The following CCDC27 variants were observed in gnomAD, a reference collection of about 807,000 sequenced individuals.
The protein encoded by CCDC27 is coiled-coil domain containing 27.
Under a neutral mutation model 80.3 loss-of-function variants are expected in CCDC27, and 80 were observed. The ratio of observed to expected loss-of-function variants is 1.00; its 90% CI spans 0.83 to 1.20. The LOEUF is 1.20. Among genes scored for constraint, CCDC27 ranks in the 50% most tolerant of loss-of-function variants. The pLI is 0.00. For synonymous variants in CCDC27, 342 were observed against 334.3 expected (o/e 1.02, Z -0.25); for missense variants, 815 against 809.4 (o/e 1.01, Z -0.08).
chr1:3,759,865 G>T (rs567035156), intron 4 of CCDC27, among the ~76,000 whole-genome samples: 7 of 152,322 alleles, frequency 4.6e-5, no homozygotes, highest in Non-Finnish European at 1.0e-4. Context: ...CAGATATGCT[G>T]TTGTTATTCA....
rs112051939 is a variant in CCDC27 at position 3,760,945 on chromosome 1, C to G, written c.712-336C>G. 6.6e-6 allele frequency among the ~76,000 whole-genome samples: 1 copy of G among 152,128 alleles called. No individual in the cohort carries two copies. Among genetic ancestry groups the G allele is most frequent in the Non-Finnish European group, 1.5e-5 (1 of 68,020 alleles). ...CGGGGCTGCAAAGAAGACTGGTGTC[C>G]TGTGGTATAGTGGGGTGCAGGGACA... On this transcript the variant is annotated intron_variant, in intron 4 of 11. Coordinates refer to ENST00000294600, the MANE Select transcript of CCDC27 (RefSeq NM_152492.3). The surrounding 1 kb of genome is among the most constrained non-coding windows in gnomAD (Gnocchi z 4.3).
intron 2 of CCDC27, among the ~76,000 whole-genome samples, chr1:3,755,049 G>T (rs1025394921): frequency 2.6e-5 from 4 of 152,214 alleles, no homozygotes; most frequent in Non-Finnish European, 4.4e-5. Flanking sequence ...TGGGCGTGGG[G>T]TCTGCGTCTA....
At chr1:3,756,539 A>T in intron 3 of CCDC27, 194 bp from the exon 4 acceptor site, 1 of 553,522 alleles carries the variant, frequency 1.8e-6, no homozygotes, top group Non-Finnish European at 3.2e-6. Context: ...TGGGCGCCCC[A>T]TCGTGTTCAC....
chr1:3,770,122 G>C (rs1417570416), intron 11 of CCDC27, among the ~76,000 whole-genome samples: 1 of 152,146 alleles, frequency 6.6e-6, no homozygotes, highest in Non-Finnish European at 1.5e-5. Flanking sequence ...GCAAAACGGG[G>C]GACGGGCATC....
rs1299281062 is a variant in CCDC27, at chr1:3,768,110, T to TC, written c.1743+666dup. 1.4e-5 allele frequency among the ~76,000 whole-genome samples: 2 copies of TC among 148,104 alleles called. No homozygotes were observed. Among genetic ancestry groups the TC allele is most frequent in the Non-Finnish European group, 1.5e-5 (1 of 66,872 alleles). ...GACCTTTTTTTTTTTTTTTTTTTTT[T>TC]CTGAGACAGGGTCTTTCTCTGTCAT... On this transcript the variant is annotated intron_variant, in intron 10 of 11. Transcript: ENST00000294600. This position sits in a 1 kb window ranked among gnomAD's most constrained non-coding sequence, Gnocchi z 5.6.
At position 3,752,532 on chromosome 1, in the gene CCDC27, T is replaced by C. The variant is rs1430239823; in HGVS notation, c.51T>C (p.Asp17=). 2 of 1,613,952 alleles carry C rather than the reference T, an allele frequency of 1.2e-6. No homozygotes were observed. The highest frequency in any genetic ancestry group is 1.7e-6 in the Non-Finnish European group (2 of 1,180,040). Residue 17 remains aspartate, a synonymous_variant, in exon 1 of 12, where the codon GAT becomes GAC. Coordinates refer to ENST00000294600, the MANE Select transcript of CCDC27 (RefSeq NM_152492.3). ...PSTPQARLKR[D]PREKPGLSSF... ...CACCCCAAGCCAGGCTGAAGAGAGATCCACGGGAAAAGCCGGGCCTGTCCT... is the reference window on the plus strand; with the variant it reads ...CACCCCAAGCCAGGCTGAAGAGAGACCCACGGGAAAAGCCGGGCCTGTCCT...
chr1:3,763,878 G>A lies in CCDC27; in HGVS notation c.1452+42G>A, dbSNP rs180853598. 7.5e-6 allele frequency: 12 copies of A among 1,603,162 alleles called. No homozygotes were observed. The African/African-American group carries it at 1.3e-4, about 18-fold the overall frequency. The stretch of plus-strand genomic sequence containing the variant: ...TACCGGCCTCCGCTCCATGAGCATG[G>A]GCCCCAGGCTTCATTAACCCCCGGC... On this transcript the variant is annotated intron_variant, in intron 8 of 11. Coordinates refer to ENST00000294600, the MANE Select transcript of CCDC27 (RefSeq NM_152492.3). This position sits in a 1 kb window ranked among gnomAD's most constrained non-coding sequence, Gnocchi z 7.5.
At chr1:3,767,643 A>C (rs1643263910) in intron 10 of CCDC27, among the ~76,000 whole-genome samples, 198 bp downstream of exon 10, 1 of 152,248 alleles carries the variant, frequency 6.6e-6, no homozygotes, top group Non-Finnish European at 1.5e-5. Context: ...AGTGCAACAG[A>C]GTAGCCCGGA....
At chr1:3,764,050 C>A (rs1408788832) in intron 8 of CCDC27, among the ~76,000 whole-genome samples, 1 of 152,172 alleles carries the variant, frequency 6.6e-6, no homozygotes, top group Admixed American at 6.5e-5. Flanking sequence ...ATGTGCCCAG[C>A]CACAGCTCTG....
rs1643274573 is a variant in CCDC27, at chr1:3,768,001, G to A, written c.1743+556G>A. Among the ~76,000 whole-genome samples, 1 of 152,144 alleles carries A rather than the reference G, an allele frequency of 6.6e-6. No individual in the cohort carries two copies. Among genetic ancestry groups the A allele is most frequent in the African/African-American group, 2.4e-5 (1 of 41,416 alleles). The stretch of plus-strand genomic sequence containing the variant: ...GCAGTCTCAACTGCAGGGCTCCACT[G>A]GGGTGTCATATGAAACGTGAGCAAG... On this transcript the variant is annotated intron_variant, in intron 10 of 11. Coordinates refer to ENST00000294600, the MANE Select transcript of CCDC27 (RefSeq NM_152492.3). The surrounding 1 kb of genome is among the most constrained non-coding windows in gnomAD (Gnocchi z 5.6).
At chr1:3,770,939 G>C (rs1222279019) in intron 11 of CCDC27, among the ~76,000 whole-genome samples, 3 of 149,678 alleles carry the variant, frequency 2.0e-5, no homozygotes, top group Non-Finnish European at 4.5e-5. Context: ...ACGGCCCAGA[G>C]AGGAGAATGG....
Position 3,771,447 on chromosome 1 carries a change from A to C in CCDC27, c.1895A>C (p.Lys632Thr). ...RSDYYNQLKQKGVKVPPLQQS... is the reference protein window; with the variant it reads ...RSDYYNQLKQTGVKVPPLQQS... ...GACTACTATAATCAGCTGAAGCAGA[A>C]AGGCGTCAAAGTGCCCCCCCTGCAA... The change falls in exon 12 of 12, where the codon AAA becomes ACA. Residue 632 changes from lysine (K) to threonine (T), a missense_variant. Physicochemically the swap from Lys to Thr is moderately conservative, Grantham distance 78 (BLOSUM62 -1). Transcript: ENST00000294600. 6.2e-7 allele frequency: 1 copy of C among 1,614,072 alleles called. No individual in the cohort carries two copies. Among genetic ancestry groups the C allele is most frequent in the South Asian group, 1.1e-5 (1 of 91,076 alleles).
Position 3,762,789 on chromosome 1 carries a change from C to A in CCDC27, c.954+77C>A, listed in dbSNP as rs1049808762. 5 of 1,324,410 alleles carry A rather than the reference C, an allele frequency of 3.8e-6. No individual in the cohort carries two copies. In the African/African-American group the frequency reaches 7.3e-5, roughly 19 times the overall value. The allele number at this position is 1,324,410 out of a possible 1,614,324, so 82.0% of individuals were successfully genotyped here. ...CCACCTAGGCTGCTTAACTAAGAGG[C>A]CCAGGCCCCAAGTGTCCCTGCTGCA... On this transcript the variant is annotated intron_variant, in intron 6 of 11. Transcript: ENST00000294600.
chr1:3,762,199 T>G (rs559109431), intron 5 of CCDC27, among the ~76,000 whole-genome samples: 10 of 152,212 alleles, frequency 6.6e-5, no homozygotes, highest in Non-Finnish European at 1.2e-4. Context: ...CTGCCCTAAA[T>G]GCCTCAAGGG....
intron 2 of CCDC27, 98 bp from the exon 3 acceptor site, chr1:3,755,359 C>A: frequency 9.8e-7 from 1 of 1,025,540 alleles, no homozygotes; most frequent in Non-Finnish European, 1.5e-6. Context: ...CCACCTGTGT[C>A]CCTACCTGGT....
At chr1:3,767,175 C>T in intron 9 of CCDC27, 58 bp from the exon 10 acceptor site, 3 of 1,518,616 alleles carry the variant, frequency 2.0e-6, no homozygotes, top group Non-Finnish European at 2.7e-6. Context: ...ATGGGTGCCA[C>T]ACATACTCAG....
At position 3,763,288 on chromosome 1, in the gene CCDC27, G is replaced by C. The variant is rs767547784; in HGVS notation, c.1135G>C (p.Asp379His). 6.3e-7 allele frequency: 1 copy of C among 1,598,846 alleles called. No individual in the cohort carries two copies. The highest frequency in any genetic ancestry group is 1.1e-5 in the South Asian group (1 of 89,320). ...GSEEEEEEEGDRDEDSEEREL... is the reference protein window; with the variant it reads ...GSEEEEEEEGHRDEDSEEREL... ...CGAGGAGGAGGAAGAGGAGGAAGGG[G>C]ACAGGGATGAGGACTCAGAGGAAAG... The change falls in exon 7 of 12, where the codon GAC becomes CAC. Residue 379 changes from aspartate (D) to histidine (H), a missense_variant. By Grantham distance (81) the Asp-to-His change is moderately conservative (BLOSUM62 -1). Coordinates refer to ENST00000294600, the MANE Select transcript of CCDC27 (RefSeq NM_152492.3). This position sits in a 1 kb window ranked among gnomAD's most constrained non-coding sequence, Gnocchi z 7.5.
Position 3,761,205 on chromosome 1 carries a change from G to C in CCDC27, c.712-76G>C. 6.5e-7 allele frequency: 1 copy of C among 1,545,584 alleles called. No homozygotes were observed. On this transcript the variant is annotated intron_variant, in intron 4 of 11. Transcript: ENST00000294600. This position sits in a 1 kb window ranked among gnomAD's most constrained non-coding sequence, Gnocchi z 5.0. ...CACGACAGCAGATCTGCTCCTCCTG[G>C]GTGGGCTGGAGGCAGGTCAGGGGAA... is the stretch of plus-strand genomic sequence containing the variant.
In CCDC27 at chr1:3,756,513, C is replaced by T. The variant is rs539511051; in HGVS notation, c.554-220C>T. On this transcript the variant is annotated intron_variant, in intron 3 of 11. Transcript: ENST00000294600. ...CGCACCTTCCTGCACTCCCTCAGCA[C>T]GCGCTGTGCTGGGTGTGGGCGCCCC... 83 of 479,970 alleles carry T rather than the reference C, an allele frequency of 1.7e-4. 2 individuals are homozygous for T. The East Asian group carries it at 2.8e-3, about 16-fold the overall frequency. 29.7% of individuals were successfully genotyped at this position (479,970 alleles called of 1,614,324 possible).
Sources: gnomAD v4.1 joint callset for allele counts (sites outside exome capture counted in the v4.1 genomes callset) on GRCh38, gnomAD v4.1.1 for gene constraint, Gnocchi (gnomAD v3.1) non-coding constraint, MANE v1.5 for transcripts, NCBI Gene and HGNC (gene_info 2026-07-23, HGNC 2026-07-21) for gene names.